The following HMCN1 variants were observed in gnomAD, a reference collection of about 807,000 sequenced individuals.
HMCN1 encodes hemicentin-1.
A neutral mutation model predicts 625.9 loss-of-function variants in HMCN1; 321 were observed. That is an observed-to-expected ratio of 0.51 (90% CI 0.47 to 0.56). HMCN1 has a LOEUF of 0.56. HMCN1 is among the 20% of genes least tolerant of loss of function. The pLI is 0.00. For synonymous variants in HMCN1, 2,425 were observed against 2,417.6 expected (o/e 1.00, Z -0.09); for missense variants, 6,588 against 6,887.3 (o/e 0.96, Z 1.54).
intron 1 of HMCN1, among the ~76,000 whole-genome samples, chr1:185,745,293 G>A (rs1350144270): frequency 6.6e-6 from 1 of 152,130 alleles, no homozygotes; most frequent in Non-Finnish European, 1.5e-5. Context: ...TTCTAACTAG[G>A]GTTCAGGGTG....
chr1:185,759,396 G>T (rs1655340174), intron 1 of HMCN1, among the ~76,000 whole-genome samples: 1 of 152,138 alleles, frequency 6.6e-6, no homozygotes, highest in Admixed American at 6.6e-5. Context: ...CCTGACCAAA[G>T]CATGAAGGGT....
intron 81 of HMCN1, among the ~76,000 whole-genome samples, chr1:186,123,623 G>T (rs1051136706): frequency 2.6e-5 from 4 of 152,168 alleles, no homozygotes; most frequent in African/African-American, 9.6e-5. Context: ...TGAGAATTAG[G>T]AGATCTATTT....
Position 186,112,948 on chromosome 1 carries a change from T to C in HMCN1, c.11126T>C (p.Val3709Ala). Reference protein sequence around the residue: ...GKTTREFILTVNVPPNIKGGP... With the variant: ...GKTTREFILTANVPPNIKGGP... ...ACTACAAGAGAATTTATTCTCACTGTAAATGGTAAGAAAAGGTATTCATTG... is the reference window on the plus strand; with the variant it reads ...ACTACAAGAGAATTTATTCTCACTGCAAATGGTAAGAAAAGGTATTCATTG... Residue 3709 changes from valine (V) to alanine (A), a missense_variant, in exon 72 of 107, where the codon GTA (valine) becomes GCA (alanine). Coordinates refer to ENST00000271588, the MANE Select transcript of HMCN1 (RefSeq NM_031935.3). 1.9e-6 allele frequency: 3 copies of C among 1,614,024 alleles called. No individual in the cohort carries two copies. Among genetic ancestry groups the C allele is most frequent in the Non-Finnish European group, 2.5e-6 (3 of 1,179,972 alleles).
At chr1:186,137,334 TTCTC>T (rs914004769) in intron 87 of HMCN1, among the ~76,000 whole-genome samples, 160 bp from the exon 88 acceptor site, 6 of 152,324 alleles carry the variant, frequency 3.9e-5, no homozygotes, top group African/African-American at 1.4e-4. Context: ...ACTGAAGTTC[TTCTC>T]TCTCTCTTGG....
intron 19 of HMCN1, 36 bp downstream of exon 19, chr1:185,984,349 G>C: frequency 1.9e-6 from 3 of 1,601,584 alleles, no homozygotes; most frequent in South Asian, 2.2e-5. Context: ...TTTCGAAACT[G>C]TGTTCAAAGT....
Position 186,122,940 on chromosome 1 carries a change from G to C in HMCN1, c.12230-11G>C, listed in dbSNP as rs750135362. 8 of 1,612,438 alleles carry C rather than the reference G, an allele frequency of 5.0e-6. No individual in the cohort carries two copies. The East Asian group carries it at 1.8e-4, about 36-fold the overall frequency. On this transcript the variant is annotated splice_polypyrimidine_tract_variant and intron_variant, in intron 80 of 106. Transcript: ENST00000271588. Reference sequence around the variant, plus strand: ...ATAAAGTTTGAACTTTATATTTTTTGTATATTTTAGTTCCTCCAGTCATTA... The same window carrying C: ...ATAAAGTTTGAACTTTATATTTTTTCTATATTTTAGTTCCTCCAGTCATTA...
At chr1:186,167,247 T>C (rs1041380444) in intron 100 of HMCN1, among the ~76,000 whole-genome samples, 2 of 152,236 alleles carry the variant, frequency 1.3e-5, no homozygotes, top group African/African-American at 2.4e-5. Flanking sequence ...ATTGAGATCA[T>C]ACTGCACAGT....
In HMCN1 at chr1:185,911,654, C is replaced by T. The variant is rs1200674447; in HGVS notation, c.794-20C>T. 6.6e-7 allele frequency: 1 copy of T among 1,526,396 alleles called. No homozygotes were observed. Among genetic ancestry groups the T allele is most frequent in the African/African-American group, 1.4e-5 (1 of 72,992 alleles). The allele number at this position is 1,526,396 out of a possible 1,614,324, so 94.6% of individuals were successfully genotyped here. ...CTGAGAGAAGGATTGTGCTTGTTAC[C>T]TTTATGTTCTGTCTTTCAGGGAAGC... On this transcript the variant is annotated intron_variant, in intron 5 of 106. Transcript: ENST00000271588.
At chr1:186,111,776 A>C (rs1660899588) in intron 71 of HMCN1, among the ~76,000 whole-genome samples, 1 of 152,224 alleles carries the variant, frequency 6.6e-6, no homozygotes, top group Non-Finnish European at 1.5e-5. Context: ...TTCTCATCAA[A>C]GGTAACATAA....
chr1:185,871,145 C>T (rs929918662), intron 4 of HMCN1, among the ~76,000 whole-genome samples: 11 of 151,204 alleles, frequency 7.3e-5, no homozygotes, highest in African/African-American at 2.7e-4. Flanking sequence ...AAGAGAATCG[C>T]TTGAGGCTGG....
rs12032245 is a variant in HMCN1, at chr1:186,028,967, C to G, written c.5749+5814C>G. Among the ~76,000 whole-genome samples, 931 of 151,746 alleles carry G rather than the reference C, an allele frequency of 6.1e-3. 13 individuals are homozygous for G. The East Asian group carries it at 0.074, about 12-fold the overall frequency. Reference sequence around the variant, plus strand: ...ATCTCGAACTCCTCACCTCGTGATCCGTGATCCGTCCGCCTCAGCCTCCCA... The same window carrying G: ...ATCTCGAACTCCTCACCTCGTGATCGGTGATCCGTCCGCCTCAGCCTCCCA... On this transcript the variant is annotated intron_variant, in intron 36 of 106. Coordinates refer to ENST00000271588, the MANE Select transcript of HMCN1 (RefSeq NM_031935.3).
chr1:185,908,941 A>G (rs997005148), intron 4 of HMCN1, among the ~76,000 whole-genome samples: 1 of 151,784 alleles, frequency 6.6e-6, no homozygotes, highest in Non-Finnish European at 1.5e-5. Flanking sequence ...TGCATCTGGA[A>G]GAATAAAATC....
At chr1:185,885,341 T>C (rs1241879460) in intron 4 of HMCN1, among the ~76,000 whole-genome samples, 1 of 151,972 alleles carries the variant, frequency 6.6e-6, no homozygotes, top group Non-Finnish European at 1.5e-5. Context: ...ATAAAGACCA[T>C]GATTATATGG....
chr1:185,992,218 G>A (rs1480349582), intron 22 of HMCN1, among the ~76,000 whole-genome samples: 2 of 152,016 alleles, frequency 1.3e-5, no homozygotes, highest in African/African-American at 4.8e-5. Context: ...TATTTCTGTG[G>A]TGTCAAGTTT....
At chr1:185,808,692 A>G (rs1295695550) in intron 1 of HMCN1, among the ~76,000 whole-genome samples, 1 of 152,162 alleles carries the variant, frequency 6.6e-6, no homozygotes, top group Non-Finnish European at 1.5e-5. Flanking sequence ...AATTTGATAA[A>G]CTACATGGGA....
intron 97 of HMCN1, among the ~76,000 whole-genome samples, chr1:186,160,784 G>A (rs1651408003): frequency 6.6e-6 from 1 of 151,900 alleles, no homozygotes; most frequent in Non-Finnish European, 1.5e-5. Flanking sequence ...TGGTCTGAGA[G>A]ATAGTTTGTT....
intron 4 of HMCN1, among the ~76,000 whole-genome samples, chr1:185,888,767 G>T (rs1016031696): frequency 2.1e-5 from 3 of 145,238 alleles, no homozygotes; most frequent in East Asian, 1.9e-4. Context: ...TGTTCTTTTG[G>T]CTTAGGATTG....
chr1:186,009,615 A>C (rs1488959704), intron 30 of HMCN1, among the ~76,000 whole-genome samples: 1 of 152,192 alleles, frequency 6.6e-6, no homozygotes, highest in Non-Finnish European at 1.5e-5. Context: ...ATGAGAATGA[A>C]GCAGGTGGGT....
rs760078358 is a variant in HMCN1 at position 186,145,777 on chromosome 1, A to G, written c.14462A>G (p.His4821Arg). ...GTGGATGGAAGTTGGGGAAGCTGGC[A>G]TAGTTGGAGCCAGTGCTCTGCCTCC... Reference protein sequence around the residue: ...CPVDGSWGSWHSWSQCSASCG... With the variant: ...CPVDGSWGSWRSWSQCSASCG... Residue 4821 changes from histidine to arginine, a missense_variant, in exon 93 of 107, where the codon CAT (histidine) becomes CGT (arginine). Transcript: ENST00000271588. 81 of 1,614,018 alleles carry G rather than the reference A, an allele frequency of 5.0e-5. No homozygotes were observed. The highest frequency in any genetic ancestry group is 8.5e-7 in the Non-Finnish European group (1 of 1,180,002).
Sources: gnomAD v4.1 joint callset for allele counts (sites outside exome capture counted in the v4.1 genomes callset) on GRCh38, gnomAD v4.1.1 for gene constraint, MANE v1.5 for transcripts, NCBI Gene and HGNC (gene_info 2026-07-23, HGNC 2026-07-21) for gene names.